The following DNAJC9 variants were observed in gnomAD, a reference collection of about 807,000 sequenced individuals.
DNAJC9 encodes the protein dnaJ homolog subfamily C member 9.
A neutral mutation model predicts 32.4 loss-of-function variants in DNAJC9; 18 were observed. The ratio of observed to expected loss-of-function variants is 0.56; its 90% CI spans 0.38 to 0.82. The LOEUF is 0.82. Among genes scored for constraint, DNAJC9 ranks in the 40% least tolerant of loss-of-function variants. The pLI, the probability that DNAJC9 is intolerant of heterozygous loss-of-function variation, is 0.00. For missense variants in DNAJC9, 310 were observed against 321.8 expected (o/e 0.96, Z 0.28); for synonymous variants, 113 against 122.1 (o/e 0.93, Z 0.49).
At chr10:73,235,048 A>G (rs2043791869), downstream of DNAJC9, 21 of 1,470,570 alleles carry the variant, frequency 1.4e-5, no homozygotes, top group Admixed American at 2.1e-5. Flanking sequence ...TTTTGTCAAA[A>G]GTACAAACAC....
chr10:73,243,880 A>T lies in DNAJC9; in HGVS notation c.626T>A (p.Leu209His), dbSNP rs1460369621. ...EAEMSRKELG[L>H]DEGVDSLKAA... ...CTTCAGGCTATCCACGCCTTCATCAAGCCCCAACTCCTTTCTGCTCATTTC... is the reference window on the plus strand; with the variant it reads ...CTTCAGGCTATCCACGCCTTCATCATGCCCCAACTCCTTTCTGCTCATTTC... Residue 209 changes from leucine (L) to histidine (H), a missense_variant, in exon 4 of 5, where the codon CTT becomes CAT. Physicochemically the swap from Leu to His is moderately conservative, Grantham distance 99 (BLOSUM62 -3). Coordinates refer to ENST00000372950, the MANE Select transcript of DNAJC9 (RefSeq NM_015190.5). 7.4e-6 allele frequency: 12 copies of T among 1,614,152 alleles called. No individual in the cohort carries two copies. Among genetic ancestry groups the T allele is most frequent in the African/African-American group, 1.3e-5 (1 of 75,042 alleles).
At chr10:73,235,572 G>A (rs755699938), downstream of DNAJC9, 3 of 671,222 alleles carry the variant, frequency 4.5e-6, no homozygotes, top group Admixed American at 7.1e-5. Context: ...CTGACCACAA[G>A]CAAGAATATT....
At position 73,243,917 on chromosome 10, in the gene DNAJC9, C is replaced by T. The variant is rs1247698783; in HGVS notation, c.589G>A (p.Ala197Thr). Reference sequence around the variant, plus strand: ...TTTCTGCTCATTTCTGCTTCTTTGGCCTCTTCCTGAGCCTGAAACAGGAAC... The same window carrying T: ...TTTCTGCTCATTTCTGCTTCTTTGGTCTCTTCCTGAGCCTGAAACAGGAAC... ...NARKRRAQEE[A>T]KEAEMSRKEL... The change falls in exon 4 of 5, where the codon GCC (alanine) becomes ACC (threonine). Residue 197 changes from alanine to threonine, a missense_variant. Ala to Thr is a moderately conservative substitution (Grantham distance 58). Coordinates refer to ENST00000372950, the MANE Select transcript of DNAJC9 (RefSeq NM_015190.5). 3.1e-6 allele frequency: 5 copies of T among 1,614,060 alleles called. No homozygotes were observed. The highest frequency in any genetic ancestry group is 4.2e-6 in the Non-Finnish European group (5 of 1,179,980).
At chr10:73,239,583 C>A (rs2043897179), downstream of DNAJC9, among the ~76,000 whole-genome samples, 1 of 151,420 alleles carries the variant, frequency 6.6e-6, no homozygotes. Context: ...TTGCTCAGAG[C>A]CAAAAAGTTT....
chr10:73,232,863 C>T (rs1370799136), intron 2 of DNAJC9: 39 of 888,638 alleles, frequency 4.4e-5, no homozygotes, highest in Non-Finnish European at 6.9e-5. Context: ...TAGTCTAAGG[C>T]TTTTTACCCC....
chr10:73,241,107 G>T, downstream of DNAJC9: 1 of 796,500 alleles, frequency 1.3e-6, no homozygotes. Flanking sequence ...AGCTTGTATA[G>T]AAGATCGACT....
chr10:73,234,853 G>A (rs374684689), downstream of DNAJC9: 139 of 1,551,524 alleles, frequency 9.0e-5, no homozygotes, highest in South Asian at 4.8e-4. Context: ...CTCCCTCACC[G>A]ACGCCCCTGA....
Position 73,243,892 on chromosome 10 carries a change from T to C in DNAJC9, c.614A>G (p.Lys205Arg), listed in dbSNP as rs2133425845. ...CACGCCTTCATCAAGCCCCAACTCC[T>C]TTCTGCTCATTTCTGCTTCTTTGGC... ...EEAKEAEMSRKELGLDEGVDS... is the reference protein window; with the variant it reads ...EEAKEAEMSRRELGLDEGVDS... The change falls in exon 4 of 5, where the codon AAG becomes AGG. Residue 205 changes from lysine (K) to arginine (R), a missense_variant. By Grantham distance (26) the Lys-to-Arg change is conservative (BLOSUM62 2). Transcript: ENST00000372950. 2 of 1,614,156 alleles carry C rather than the reference T, an allele frequency of 1.2e-6. No homozygotes were observed. Among genetic ancestry groups the C allele is most frequent in the East Asian group, 2.2e-5 (1 of 44,878 alleles).
chr10:73,235,219 T>C, downstream of DNAJC9: 1 of 1,551,738 alleles, frequency 6.4e-7, no homozygotes, highest in Non-Finnish European at 8.7e-7. Flanking sequence ...CTAGTCGAGC[T>C]CAAAGTGCGG....
At chr10:73,239,460 C>T (rs2043895398), downstream of DNAJC9, 1 of 1,005,884 alleles carries the variant, frequency 9.9e-7, no homozygotes. Flanking sequence ...TTTTCCTACA[C>T]CTATTTCCCC....
At chr10:73,244,990 C>G (rs1024679191) in intron 3 of DNAJC9, among the ~76,000 whole-genome samples, 2 of 152,150 alleles carry the variant, frequency 1.3e-5, no homozygotes, top group Non-Finnish European at 2.9e-5. Context: ...CTCAAGCTAA[C>G]AGTCTACTGT....
At chr10:73,244,643 G>A (rs2043987528) in intron 3 of DNAJC9, 1 of 150,194 alleles carries the variant, frequency 6.7e-6, no homozygotes, top group African/African-American at 2.5e-5. Flanking sequence ...CTCCCCAGTA[G>A]TCAGAAGAAC....
chr10:73,233,032 ATC>A (rs1404889447), intron 2 of DNAJC9: 2 of 1,551,730 alleles, frequency 1.3e-6, no homozygotes, highest in Admixed American at 2.0e-5. Flanking sequence ...TTAGTACATC[ATC>A]TCTGTCATAC....
At chr10:73,232,393 T>C (rs1374509412) in intron 2 of DNAJC9, among the ~76,000 whole-genome samples, 1 of 152,180 alleles carries the variant, frequency 6.6e-6, no homozygotes, top group African/African-American at 2.4e-5. Flanking sequence ...ACAAGACCCT[T>C]TGCCCACTCC....
Position 73,246,995 on chromosome 10 carries a change from C to A in DNAJC9, c.180+15G>T, listed in dbSNP as rs745901821. 5.1e-6 allele frequency: 8 copies of A among 1,557,774 alleles called. No individual in the cohort carries two copies. Among genetic ancestry groups the A allele is most frequent in the East Asian group, 2.3e-5 (1 of 43,430 alleles). On this transcript the variant is annotated intron_variant, in intron 1 of 4. Transcript: ENST00000372950. ...CCCGCGCAGCCGGTCGGCTTCGGGG[C>A]GGGACCCTGCATACCTGGAAGCGGC...
At position 73,242,247 on chromosome 10, in the gene DNAJC9, G is replaced by A. The variant is rs74699596; in HGVS notation, c.*1153C>T. 32 of 152,064 alleles carry A rather than the reference G, an allele frequency of 2.1e-4. No homozygotes were observed. The East Asian group carries it at 5.6e-3, about 27-fold the overall frequency. The allele number at this position is 152,064 out of a possible 1,614,324, so 9.4% of individuals were successfully genotyped here. On this transcript the variant is annotated 3_prime_UTR_variant, in exon 5 of 5. Transcript: ENST00000372950. ...AGCTAAAGGCTTACTTTATGCATAC[G>A]GTATATTTAATAGTCTACAAATCAA...
At chr10:73,241,048 A>AG, downstream of DNAJC9, 1 of 1,230,604 alleles carries the variant, frequency 8.1e-7, no homozygotes, top group Non-Finnish European at 1.2e-6. Context: ...ATCAGGCTGC[A>AG]GGAAACACGA....
downstream of DNAJC9, chr10:73,235,227 C>T (rs772378919): frequency 3.0e-5 from 46 of 1,551,576 alleles, no homozygotes; most frequent in African/African-American, 1.2e-4. Context: ...GCTCAAAGTG[C>T]GGTGGTGGAT....
chr10:73,247,035 T>A lies in DNAJC9; in HGVS notation c.155A>T (p.Lys52Met). The stretch of plus-strand genomic sequence containing the variant: ...CTGGAAGCGGCGGGTGGCGTCCTCC[T>A]TGTCGCCCTCACCCACCCGGTCCGG... ...VHPDRVGEGD[K>M]EDATRRFQIL... The change falls in exon 1 of 5, where the codon AAG becomes ATG. Residue 52 changes from lysine to methionine, a missense_variant. Physicochemically the swap from Lys to Met is moderately conservative, Grantham distance 95. Transcript: ENST00000372950. 1 of 1,536,752 alleles carries A rather than the reference T, an allele frequency of 6.5e-7. No homozygotes were observed. Among genetic ancestry groups the A allele is most frequent in the Admixed American group, 1.9e-5 (1 of 52,652 alleles).
Sources: gnomAD v4.1 joint callset for allele counts (sites outside exome capture counted in the v4.1 genomes callset) on GRCh38, gnomAD v4.1.1 for gene constraint, MANE v1.5 for transcripts, NCBI Gene and HGNC (gene_info 2026-07-23, HGNC 2026-07-21) for gene names.